RAP1GDS1: variants seen among roughly 807,000 people sequenced by gnomAD.
RAP1GDS1 encodes the protein Rap1 GTPase-GDP dissociation stimulator 1.
In RAP1GDS1, 35 loss-of-function variants were observed where a neutral mutation model predicts 71.1. That is an observed-to-expected ratio of 0.49 (90% CI 0.38 to 0.65). RAP1GDS1 has a LOEUF of 0.65. RAP1GDS1 is among the 30% of genes least tolerant of loss of function. The pLI is 0.00. For synonymous variants in RAP1GDS1, 229 were observed against 243.1 expected (o/e 0.94, Z 0.54); for missense variants, 663 against 706.1 (o/e 0.94, Z 0.69).
rs1380247566 is a variant in RAP1GDS1, at chr4:98,386,382, AT to A, written c.509-5569del. On this transcript the variant is annotated intron_variant, in intron 5 of 14. Coordinates refer to ENST00000408927, the MANE Select transcript of RAP1GDS1 (RefSeq NM_001100427.2). ...CTTCTGTTTTACATCAATCTCACACATATAATTTTGCCATTTATATTTAAAA... is the reference window on the plus strand; with the variant it reads ...CTTCTGTTTTACATCAATCTCACACAATAATTTTGCCATTTATATTTAAAA... Among the ~76,000 whole-genome samples, 17 of 152,036 alleles carry A rather than the reference AT, an allele frequency of 1.1e-4. No homozygotes were observed. The East Asian group carries it at 3.1e-3, about 28-fold the overall frequency.
At chr4:98,297,679 C>G (rs1029273814) in intron 2 of RAP1GDS1, among the ~76,000 whole-genome samples, 1 of 152,132 alleles carries the variant, frequency 6.6e-6, no homozygotes, top group Admixed American at 6.6e-5. Flanking sequence ...CCCCTACTCC[C>G]CATCTCTATT....
intron 2 of RAP1GDS1, among the ~76,000 whole-genome samples, chr4:98,313,020 GATCAC>G (rs1730463168): frequency 8.5e-6 from 1 of 117,810 alleles, no homozygotes. Context: ...AGTGAGCCGA[GATCAC>G]ACCACTGCAC....
chr4:98,329,896 C>T (rs1733694246), intron 2 of RAP1GDS1, among the ~76,000 whole-genome samples: 1 of 149,848 alleles, frequency 6.7e-6, no homozygotes, highest in South Asian at 2.1e-4. Context: ...TGACCAGATA[C>T]ATATATATTT....
At chr4:98,262,908 A>G (rs1444560436) in intron 1 of RAP1GDS1, among the ~76,000 whole-genome samples, 1 of 152,222 alleles carries the variant, frequency 6.6e-6, no homozygotes, top group East Asian at 1.9e-4. Flanking sequence ...GGTATGAATC[A>G]AAAAAGGTCT....
intron 4 of RAP1GDS1, among the ~76,000 whole-genome samples, chr4:98,377,841 T>A (rs1741389126): frequency 6.6e-6 from 1 of 151,860 alleles, no homozygotes; most frequent in African/African-American, 2.4e-5. Context: ...TTTCTGTAGC[T>A]GAATAGTACA....
intron 1 of RAP1GDS1, 79 bp downstream of exon 1, chr4:98,261,648 G>A (rs1721982068): frequency 1.3e-6 from 2 of 1,499,234 alleles, no homozygotes; most frequent in Non-Finnish European, 1.8e-6. Context: ...AGCATTTCTC[G>A]CGCAAAGTTG....
Position 98,443,046 on chromosome 4 carries a change from T to G in RAP1GDS1, c.*929T>G, listed in dbSNP as rs1554008746. On this transcript the variant is annotated 3_prime_UTR_variant, in exon 15 of 15. Transcript: ENST00000408927. ...TTTTTTTTTTTTTTTTTTGCTGTTT[T>G]TCATCATTCAGCTAGAAAGTGAGAA... 3 of 226,694 alleles carry G rather than the reference T, an allele frequency of 1.3e-5. No individual in the cohort carries two copies. Among genetic ancestry groups the G allele is most frequent in the South Asian group, 1.8e-4 (1 of 5,406 alleles). 14.0% of individuals were successfully genotyped at this position (226,694 alleles called of 1,614,324 possible).
chr4:98,267,201 G>A (rs1379351453), intron 1 of RAP1GDS1, among the ~76,000 whole-genome samples: 2 of 152,132 alleles, frequency 1.3e-5, no homozygotes, highest in African/African-American at 4.8e-5. Flanking sequence ...TAGTATCATT[G>A]TCTGGCTTTG....
rs376495645 is a variant in RAP1GDS1 at position 98,417,475 on chromosome 4, C to G, written c.1016C>G (p.Ala339Gly). Residue 339 changes from alanine to glycine, a missense_variant, in exon 9 of 15, where the codon GCA becomes GGA. Transcript: ENST00000408927. ...NHQLQLAGAL[A>G]IANFARNDAN... is the part of the protein sequence containing the mutation. ...CAGCTACAGCTTGCTGGAGCATTGGCAATTGCAAATTTTGCCAGAAATGGT... is the reference window on the plus strand; with the variant it reads ...CAGCTACAGCTTGCTGGAGCATTGGGAATTGCAAATTTTGCCAGAAATGGT... 10 of 1,613,728 alleles carry G rather than the reference C, an allele frequency of 6.2e-6. No homozygotes were observed. The highest frequency in any genetic ancestry group is 8.5e-6 in the Non-Finnish European group (10 of 1,179,834).
At chr4:98,286,886 TAAAAAAAAAAAAAA>T (rs778410316) in intron 1 of RAP1GDS1, among the ~76,000 whole-genome samples, 1 of 90,150 alleles carries the variant, frequency 1.1e-5, no homozygotes, top group African/African-American at 4.0e-5. Flanking sequence ...AACTCCGTCT[TAAAAAAAAAAAAAA>T]AAAAAAAAAA....
chr4:98,303,677 C>A (rs1459350038), intron 2 of RAP1GDS1, among the ~76,000 whole-genome samples: 1 of 138,462 alleles, frequency 7.2e-6, no homozygotes, highest in African/African-American at 2.7e-5. Context: ...TTGGGGTATT[C>A]AGTATAGGAA....
intron 4 of RAP1GDS1, among the ~76,000 whole-genome samples, chr4:98,356,648 A>G (rs1738013997): frequency 6.6e-6 from 1 of 152,092 alleles, no homozygotes; most frequent in Non-Finnish European, 1.5e-5. Context: ...TTAAACAAAT[A>G]TACCTCTTTA....
intron 2 of RAP1GDS1, among the ~76,000 whole-genome samples, chr4:98,327,336 G>A (rs2110357872): frequency 6.6e-6 from 1 of 152,280 alleles, no homozygotes; most frequent in Admixed American, 6.5e-5. Flanking sequence ...AAATGAGAAG[G>A]ATTACATAAT....
intron 12 of RAP1GDS1, among the ~76,000 whole-genome samples, chr4:98,424,468 G>C (rs1749325245): frequency 6.6e-6 from 1 of 152,126 alleles, no homozygotes; most frequent in Admixed American, 6.6e-5. Context: ...AAATCTAAAA[G>C]TTTAGAAAAC....
intron 1 of RAP1GDS1, among the ~76,000 whole-genome samples, chr4:98,283,153 AGATGAAACT>A (rs1301979723): frequency 6.6e-6 from 1 of 152,234 alleles, no homozygotes; most frequent in African/African-American, 2.4e-5. Context: ...ACTTCATGAA[AGATGAAACT>A]GATCATTACA....
At chr4:98,304,481 G>A (rs1462501424) in intron 2 of RAP1GDS1, among the ~76,000 whole-genome samples, 6 of 152,078 alleles carry the variant, frequency 3.9e-5, no homozygotes, top group South Asian at 2.1e-4. Context: ...TTTGTTGGCC[G>A]CATAAGTGTC....
At chr4:98,388,801 T>TA (rs2110121478) in intron 5 of RAP1GDS1, among the ~76,000 whole-genome samples, 1 of 152,286 alleles carries the variant, frequency 6.6e-6, no homozygotes, top group African/African-American at 2.4e-5. Context: ...TTTAGATGTC[T>TA]AAAAATTATA....
intron 4 of RAP1GDS1, among the ~76,000 whole-genome samples, chr4:98,363,266 C>T (rs1254641722): frequency 6.6e-6 from 1 of 151,646 alleles, no homozygotes; most frequent in Admixed American, 6.6e-5. Flanking sequence ...GGCTCAAGGG[C>T]TGCTTGAGGC....
chr4:98,287,590 AAATT>A (rs1560776391), intron 1 of RAP1GDS1, among the ~76,000 whole-genome samples: 1 of 152,202 alleles, frequency 6.6e-6, no homozygotes, highest in Non-Finnish European at 1.5e-5. Context: ...TTAAAGTAAT[AAATT>A]CATGGATTAA....
Sources: allele counts gnomAD v4.1 joint callset (sites outside exome capture counted in the v4.1 genomes callset), GRCh38; gene constraint gnomAD v4.1.1; transcripts MANE v1.5; gene names NCBI Gene and HGNC (gene_info 2026-07-23, HGNC 2026-07-21).